NBN: variants seen among roughly 807,000 people sequenced by gnomAD.
NBN encodes nibrin.
A neutral mutation model predicts 90.8 loss-of-function variants in NBN; 88 were observed. The ratio of observed to expected loss-of-function variants is 0.97; its 90% CI spans 0.82 to 1.16. The LOEUF is 1.16. Ranked by LOEUF, NBN falls within the 50% of genes most tolerant of loss-of-function variation. The pLI, the probability that NBN is intolerant of heterozygous loss-of-function variation, is 0.00. For synonymous variants in NBN, 328 were observed against 295.1 expected, an observed-to-expected ratio of 1.11 and a Z score of -1.14; for missense variants, 894 against 869.6, an observed-to-expected ratio of 1.03 and a Z score of -0.35.
chr8:89,968,731 G>A (rs898295169), intron 7 of NBN, among the ~76,000 whole-genome samples: 1 of 152,026 alleles, frequency 6.6e-6, no homozygotes, highest in African/African-American at 2.4e-5. Context: ...CCACTGCCGG[G>A]TTACTGCTTC....
At chr8:89,968,285 T>C (rs1811346020) in intron 7 of NBN, among the ~76,000 whole-genome samples, 1 of 151,846 alleles carries the variant, frequency 6.6e-6, no homozygotes, top group South Asian at 2.1e-4. Context: ...AAAAACCATA[T>C]TGTAACAGGG....
intron 7 of NBN, among the ~76,000 whole-genome samples, chr8:89,965,419 AT>A (rs1259605028): frequency 6.6e-6 from 1 of 152,190 alleles, no homozygotes; most frequent in African/African-American, 2.4e-5. Flanking sequence ...ACACCATTTA[AT>A]ATCATATAAA....
At chr8:89,974,834 T>C (rs1171533904) in intron 5 of NBN, among the ~76,000 whole-genome samples, 1 of 152,228 alleles carries the variant, frequency 6.6e-6, no homozygotes, top group East Asian at 1.9e-4. Context: ...AGGCTTTGCA[T>C]TCTTGGCCTA....
chr8:89,935,667 T>C, intron 15 of NBN, 55 bp from the exon 16 acceptor site: 1 of 1,594,024 alleles, frequency 6.3e-7, no homozygotes, highest in East Asian at 2.3e-5. Flanking sequence ...GGTATTTCTT[T>C]TAAAGGTAAA....
chr8:89,965,349 T>C (rs1015273996), intron 7 of NBN, among the ~76,000 whole-genome samples: 7 of 152,228 alleles, frequency 4.6e-5, no homozygotes, highest in African/African-American at 1.2e-4. Context: ...AGGAATCTTA[T>C]GGTGAACCTA....
intron 11 of NBN, among the ~76,000 whole-genome samples, chr8:89,951,355 GA>G (rs1810442300): frequency 6.9e-6 from 1 of 144,554 alleles, no homozygotes; most frequent in Non-Finnish European, 1.5e-5. Context: ...ACTAGGACAA[GA>G]AGACTAAAGA....
At chr8:89,953,726 GA>G (rs1184631751) in intron 10 of NBN, 35 bp from the exon 11 acceptor site, 1 of 1,521,690 alleles carries the variant, frequency 6.6e-7, no homozygotes, top group Admixed American at 1.8e-5. Flanking sequence ...AACAAAACAA[GA>G]AAATGAACAC....
intron 8 of NBN, among the ~76,000 whole-genome samples, chr8:89,962,578 T>C (rs1444913604): frequency 6.6e-6 from 1 of 152,174 alleles, no homozygotes; most frequent in Non-Finnish European, 1.5e-5. Flanking sequence ...GAAGAGTTGG[T>C]CTTTAGCTTT....
In NBN at chr8:89,964,519, A is replaced by G; in HGVS notation, c.897-12T>C. On this transcript the variant is annotated splice_polypyrimidine_tract_variant and intron_variant, in intron 7 of 15. Transcript: ENST00000265433. ...GTCTAAGACCTTGCCTATTAGAATAAAATAGTTTAAGTATGATAATATATT... is the reference window on the plus strand; with the variant it reads ...GTCTAAGACCTTGCCTATTAGAATAGAATAGTTTAAGTATGATAATATATT... The G allele has an allele frequency of 6.3e-6, 10 of 1,577,048 alleles. No individual in the cohort carries two copies. The highest frequency in any genetic ancestry group is 8.7e-6 in the Non-Finnish European group (10 of 1,146,752).
In NBN at chr8:89,935,512, T is replaced by C; in HGVS notation, c.*70A>G. 2.5e-6 allele frequency: 4 copies of C among 1,586,410 alleles called. No individual in the cohort carries two copies. The highest frequency in any genetic ancestry group is 3.5e-6 in the Non-Finnish European group (4 of 1,157,006). ...ATCGCTTCTATACACTATATATTCA[T>C]ATAACCTTGTTGGCCTGAAGTAGAT... On this transcript the variant is annotated 3_prime_UTR_variant, in exon 16 of 16. Coordinates refer to ENST00000265433, the MANE Select transcript of NBN (RefSeq NM_002485.5).
intron 14 of NBN, among the ~76,000 whole-genome samples, chr8:89,941,055 A>G (rs141584349): frequency 1.0e-3 from 158 of 152,334 alleles, no homozygotes; most frequent in South Asian, 1.9e-3. Context: ...TAAGAAAACC[A>G]CAGTGAATGC....
intron 7 of NBN, among the ~76,000 whole-genome samples, chr8:89,970,144 G>A (rs1811435548): frequency 6.6e-6 from 1 of 150,768 alleles, no homozygotes; most frequent in Non-Finnish European, 1.5e-5. Flanking sequence ...AGCTACTCAG[G>A]AGACTAAGGC....
chr8:89,956,204 A>C (rs950442996), intron 9 of NBN, among the ~76,000 whole-genome samples: 2 of 151,140 alleles, frequency 1.3e-5, no homozygotes, highest in South Asian at 2.1e-4. Flanking sequence ...ACAGAAAAAA[A>C]AAAAACAAAA....
At chr8:89,939,907 T>C (rs1563502423) in intron 14 of NBN, among the ~76,000 whole-genome samples, 1 of 152,056 alleles carries the variant, frequency 6.6e-6, no homozygotes, top group Non-Finnish European at 1.5e-5. Flanking sequence ...TTAATTAAAA[T>C]CCCAGGAGAC....
chr8:89,945,661 T>C (rs1271220005), intron 13 of NBN, among the ~76,000 whole-genome samples: 1 of 152,170 alleles, frequency 6.6e-6, no homozygotes, highest in Non-Finnish European at 1.5e-5. Flanking sequence ...TAAGTATCAG[T>C]TCCTTAATGA....
intron 2 of NBN, chr8:89,982,087 C>A (rs1027316848): frequency 1.3e-5 from 6 of 446,410 alleles, no homozygotes; most frequent in African/African-American, 1.3e-4. Flanking sequence ...AATGGCTCAT[C>A]TTTCTTATTA....
At chr8:89,941,111 G>C (rs6999227) in intron 14 of NBN, among the ~76,000 whole-genome samples, 38,421 of 152,012 alleles carry the variant, frequency 0.25, 5,329 homozygotes, top group East Asian at 0.41. Flanking sequence ...TGAAAGGATA[G>C]TTATGTCTTA....
Position 89,933,760 on chromosome 8 carries a change from A to T in NBN, c.*1822T>A, listed in dbSNP as rs1170035502. The T allele has an allele frequency of 4.3e-6, 1 of 232,472 alleles. No individual in the cohort carries two copies. The highest frequency in any genetic ancestry group is 5.6e-5 in the Admixed American group (1 of 17,780). 14.4% of individuals were successfully genotyped at this position (232,472 alleles called of 1,614,324 possible). A position where few individuals can be genotyped will look rare whatever the true frequency, so the allele number is the denominator to read the frequency against. On this transcript the variant is annotated 3_prime_UTR_variant, in exon 16 of 16. Coordinates refer to ENST00000265433, the MANE Select transcript of NBN (RefSeq NM_002485.5). ...ATAAATTTGACCTTGTCAAAATTTA[A>T]AACTTCTATTCATCAAAAGACATAA...
At chr8:89,941,675 A>G (rs1182963686) in intron 14 of NBN, among the ~76,000 whole-genome samples, 1 of 152,102 alleles carries the variant, frequency 6.6e-6, no homozygotes, top group Non-Finnish European at 1.5e-5. Context: ...TGTTCACTTA[A>G]CTGTTTAAAT....
Sources: gnomAD v4.1 joint callset for allele counts (sites outside exome capture counted in the v4.1 genomes callset) on GRCh38, gnomAD v4.1.1 for gene constraint, MANE v1.5 for transcripts, NCBI Gene and HGNC (gene_info 2026-07-23, HGNC 2026-07-21) for gene names.